The following PKD2 variants were observed in gnomAD, a reference collection of about 807,000 sequenced individuals.
The protein encoded by PKD2 is polycystin 2, transient receptor potential cation channel.
A neutral mutation model predicts 105.9 loss-of-function variants in PKD2; 48 were observed. The observed-to-expected ratio is 0.45, with a 90% CI of 0.36 to 0.58. PKD2 has a LOEUF of 0.58. Among genes scored for constraint, PKD2 ranks in the 20% least tolerant of loss-of-function variants. The pLI, the probability that PKD2 is intolerant of heterozygous loss-of-function variation, is 0.00. For synonymous variants in PKD2, 464 were observed against 481.1 expected, an observed-to-expected ratio of 0.96 and a Z score of 0.46; for missense variants, 1,078 against 1,255.3, an observed-to-expected ratio of 0.86 and a Z score of 2.13.
Position 88,027,704 on chromosome 4 carries a change from G to A in PKD2, c.709+8133G>A, listed in dbSNP as rs149117737. ...CTCCACCCAAATCTCATCTCCAATT[G>A]TAATCCCCATGTGTCAAGGGAGGGA... On this transcript the variant is annotated intron_variant, in intron 2 of 14. Coordinates refer to ENST00000237596, the MANE Select transcript of PKD2 (RefSeq NM_000297.4). Among the ~76,000 whole-genome samples, 21 of 152,324 alleles carry A rather than the reference G, an allele frequency of 1.4e-4. No homozygotes were observed. The East Asian group carries it at 3.7e-3, about 27-fold the overall frequency.
intron 7 of PKD2, 46 bp downstream of exon 7, chr4:88,052,204 TA>T (rs749927657): frequency 4.8e-5 from 59 of 1,238,646 alleles, no homozygotes; most frequent in Middle Eastern, 2.4e-4. Flanking sequence ...ATATTTTCTT[TA>T]AAAAAAATGA....
chr4:88,024,462 A>G (rs1156513094), intron 2 of PKD2, among the ~76,000 whole-genome samples: 13 of 140,422 alleles, frequency 9.3e-5, no homozygotes, highest in East Asian at 2.0e-4. Context: ...GTCTCGAAAA[A>G]AAAAAAAAAA....
chr4:88,027,392 ACC>A (rs895837054), intron 2 of PKD2, among the ~76,000 whole-genome samples: 1 of 151,994 alleles, frequency 6.6e-6, no homozygotes, highest in Non-Finnish European at 1.5e-5. Context: ...GGGGCCTGTG[ACC>A]CCTTTGTTTT....
intron 1 of PKD2, 70 bp downstream of exon 1, chr4:88,008,398 C>A: frequency 1.4e-6 from 2 of 1,458,356 alleles, no homozygotes; most frequent in East Asian, 2.7e-5. Context: ...GGCCATCGCC[C>A]GCTGCGGCAG....
intron 13 of PKD2, 54 bp downstream of exon 13, chr4:88,068,115 A>G: frequency 7.3e-7 from 1 of 1,365,886 alleles, no homozygotes; most frequent in Non-Finnish European, 1.0e-6. Context: ...ACATGAGACC[A>G]GGCAGTTCCC....
At chr4:88,066,706 T>C (rs934806766) in intron 12 of PKD2, among the ~76,000 whole-genome samples, 3 of 152,134 alleles carry the variant, frequency 2.0e-5, no homozygotes, top group Admixed American at 2.0e-4. Context: ...TTGAATACTT[T>C]TTACAAAATA....
chr4:88,071,714 C>G (rs1721039663), intron 13 of PKD2, among the ~76,000 whole-genome samples: 1 of 152,116 alleles, frequency 6.6e-6, no homozygotes, highest in Non-Finnish European at 1.5e-5. Context: ...GTGTCTGCCT[C>G]TGACTTTATT....
At chr4:88,018,766 C>A (rs1423862543) in intron 1 of PKD2, among the ~76,000 whole-genome samples, 1 of 152,190 alleles carries the variant, frequency 6.6e-6, no homozygotes, top group African/African-American at 2.4e-5. Flanking sequence ...TGATTCTACT[C>A]TTTCTACAAA....
In PKD2 at chr4:88,043,473, A is replaced by T. The variant is rs769786034; in HGVS notation, c.1319+16A>T. 2 of 1,512,348 alleles carry T rather than the reference A, an allele frequency of 1.3e-6. No homozygotes were observed. Among genetic ancestry groups the T allele is most frequent in the Admixed American group, 3.3e-5 (2 of 59,798 alleles). The allele number at this position is 1,512,348 out of a possible 1,614,324, so 93.7% of individuals were successfully genotyped here. A position where few individuals can be genotyped will look rare whatever the true frequency, so the allele number is the denominator to read the frequency against. On this transcript the variant is annotated intron_variant, in intron 5 of 14. Coordinates refer to ENST00000237596, the MANE Select transcript of PKD2 (RefSeq NM_000297.4). ...GTGTGGTCAGGTGTGTACTGAGGAC[A>T]TGCATCCCTCCTATTTCTGTGTGGT...
At chr4:88,008,697 C>T (rs1726282721) in intron 1 of PKD2, among the ~76,000 whole-genome samples, 1 of 151,676 alleles carries the variant, frequency 6.6e-6, no homozygotes, top group South Asian at 2.1e-4. Flanking sequence ...GTAGTTGCAA[C>T]TGCATATTTG....
intron 6 of PKD2, among the ~76,000 whole-genome samples, chr4:88,050,498 T>C (rs768586066): frequency 9.2e-5 from 14 of 152,192 alleles, no homozygotes; most frequent in Admixed American, 3.3e-4. Flanking sequence ...TCCTCATCTT[T>C]CATTCCCTAT....
chr4:88,056,261 A>G lies in PKD2; in HGVS notation c.1892A>G (p.Glu631Gly). The G allele has an allele frequency of 1.2e-6, 2 of 1,600,874 alleles. No individual in the cohort carries two copies. Among genetic ancestry groups the G allele is most frequent in the Non-Finnish European group, 1.7e-6 (2 of 1,168,762 alleles). Residue 631 changes from glutamate (E) to glycine (G), a missense_variant, in exon 8 of 15, where the codon GAG becomes GGG. By Grantham distance (98) the Glu-to-Gly change is moderately conservative (BLOSUM62 -2). Transcript: ENST00000237596. Reference protein sequence around the residue: ...TQVDDFSTFQECIFTQFRIIL... With the variant: ...TQVDDFSTFQGCIFTQFRIIL... ...GTCGATGACTTCAGTACTTTCCAAGAGTGTATGTAAGTATATATGAAATTA... is the reference window on the plus strand; with the variant it reads ...GTCGATGACTTCAGTACTTTCCAAGGGTGTATGTAAGTATATATGAAATTA...
Position 88,075,832 on chromosome 4 carries a change from T to G in PKD2, c.*138T>G. The G allele has an allele frequency of 1.4e-6, 1 of 738,686 alleles. No homozygotes were observed. Among genetic ancestry groups the G allele is most frequent in the Non-Finnish European group, 2.4e-6 (1 of 415,094 alleles). 45.8% of individuals were successfully genotyped at this position (738,686 alleles called of 1,614,324 possible). ...GACCGATTGCTAATCTTCTGCACTT[T>G]AATTTATTTTATATAAACTTTACCC... On this transcript the variant is annotated 3_prime_UTR_variant, in exon 15 of 15. Transcript: ENST00000237596.
At position 88,038,299 on chromosome 4, in the gene PKD2, A is replaced by G. The variant is rs200912883; in HGVS notation, c.892A>G (p.Ser298Gly). ...LDGLYWKMQP[S>G]NQTEADNRSF... Reference sequence around the variant, plus strand: ...TGGGCTGTACTGGAAGATGCAGCCCAGCAACCAGACTGAAGCTGACAACCG... The same window carrying G: ...TGGGCTGTACTGGAAGATGCAGCCCGGCAACCAGACTGAAGCTGACAACCG... The change falls in exon 4 of 15, where the codon AGC (serine) becomes GGC (glycine). Residue 298 changes from serine to glycine, a missense_variant. Transcript: ENST00000237596. The G allele has an allele frequency of 2.5e-5, 41 of 1,614,046 alleles. No individual in the cohort carries two copies. Among genetic ancestry groups the G allele is most frequent in the Non-Finnish European group, 3.5e-5 (41 of 1,179,902 alleles).
At chr4:88,026,367 T>C (rs1182275705) in intron 2 of PKD2, among the ~76,000 whole-genome samples, 2 of 152,206 alleles carry the variant, frequency 1.3e-5, no homozygotes, top group Admixed American at 1.3e-4. Flanking sequence ...TGTGGAACTT[T>C]GAACTTGAGA....
At chr4:88,026,955 G>C (rs1354171763) in intron 2 of PKD2, among the ~76,000 whole-genome samples, 1 of 152,226 alleles carries the variant, frequency 6.6e-6, no homozygotes, top group Non-Finnish European at 1.5e-5. Context: ...AGCTTTGGAA[G>C]CCGCTGCCTA....
chr4:88,043,121 C>T (rs1727633898), intron 4 of PKD2, 112 bp from the exon 5 acceptor site: 3 of 730,406 alleles, frequency 4.1e-6, no homozygotes, highest in Admixed American at 2.0e-5. Flanking sequence ...CAGTACCCAG[C>T]TTGATAGGCC....
At chr4:88,021,112 A>G (rs1293410420) in intron 2 of PKD2, among the ~76,000 whole-genome samples, 2 of 152,220 alleles carry the variant, frequency 1.3e-5, no homozygotes, top group Non-Finnish European at 1.5e-5. Context: ...GTTGATTAGA[A>G]TTACTAAGTT....
intron 4 of PKD2, 77 bp downstream of exon 4, chr4:88,038,578 T>G: frequency 6.9e-7 from 1 of 1,450,892 alleles, no homozygotes; most frequent in Non-Finnish European, 9.7e-7. Context: ...CATTCATTCA[T>G]TCCCTGACAC....
Sources: allele counts gnomAD v4.1 joint callset (sites outside exome capture counted in the v4.1 genomes callset), GRCh38; gene constraint gnomAD v4.1.1; transcripts MANE v1.5; gene names NCBI Gene and HGNC (gene_info 2026-07-23, HGNC 2026-07-21).